The following IFTAP variants were observed in gnomAD, a reference collection of about 807,000 sequenced individuals.
IFTAP encodes intraflagellar transport-associated protein.
IFTAP carries 19 observed loss-of-function variants against 19.4 expected under a neutral mutation model. That is an observed-to-expected ratio of 0.98 (90% CI 0.68 to 1.44). The LOEUF (loss-of-function observed/expected upper bound fraction) is 1.44, where lower values mean the gene tolerates loss of function less well. IFTAP is among the 40% of genes most tolerant of loss of function. The pLI, the probability that IFTAP is intolerant of heterozygous loss-of-function variation, is 0.00. For missense variants in IFTAP, 240 were observed against 253.6 expected, an observed-to-expected ratio of 0.95 and a Z score of 0.36; for synonymous variants, 85 against 83.5, an observed-to-expected ratio of 1.02 and a Z score of -0.10.
At chr11:36,640,159 C>G (rs1853140386) in intron 4 of IFTAP, among the ~76,000 whole-genome samples, 1 of 152,104 alleles carries the variant, frequency 6.6e-6, no homozygotes, top group Non-Finnish European at 1.5e-5. Context: ...GTATAGGAAC[C>G]CCTCAGAAAC....
intron 5 of IFTAP, among the ~76,000 whole-genome samples, chr11:36,652,243 A>G (rs1276403161): frequency 6.6e-6 from 1 of 152,144 alleles, no homozygotes; most frequent in African/African-American, 2.4e-5. Flanking sequence ...AGTGGTTTGT[A>G]GTTCTCCTTG....
At chr11:36,595,504 T>C (rs1402833996) in intron 1 of IFTAP, among the ~76,000 whole-genome samples, 3 of 152,224 alleles carry the variant, frequency 2.0e-5, no homozygotes, top group East Asian at 3.8e-4. Context: ...TAAGAGTTAA[T>C]TCTTAATATG....
In IFTAP at chr11:36,604,339, C is replaced by G. The variant is rs562566648; in HGVS notation, c.-23-5742C>G. The stretch of plus-strand genomic sequence containing the variant: ...ATAATGAAGAGGTCTATGCCTTTTA[C>G]ATGTTAGAAAAGGCTGTTGATAAAA... On this transcript the variant is annotated intron_variant, in intron 1 of 5. Coordinates refer to ENST00000334307, the MANE Select transcript of IFTAP (RefSeq NM_138787.4). Among the ~76,000 whole-genome samples the G allele has an allele frequency of 3.9e-5, 6 of 152,260 alleles. No individual in the cohort carries two copies. In the East Asian group the frequency reaches 1.2e-3, roughly 29 times the overall value.
At chr11:36,656,143 G>A (rs553540774) in intron 5 of IFTAP, among the ~76,000 whole-genome samples, 1 of 152,302 alleles carries the variant, frequency 6.6e-6, no homozygotes. Context: ...GGCCGTGGGA[G>A]CCCTGATCAG....
At chr11:36,618,660 C>T (rs937910612) in intron 2 of IFTAP, among the ~76,000 whole-genome samples, 1 of 151,978 alleles carries the variant, frequency 6.6e-6, no homozygotes, top group African/African-American at 2.4e-5. Context: ...GGAACACCCA[C>T]ATTTAGTGGA....
At chr11:36,600,839 C>T (rs1464227045) in intron 1 of IFTAP, among the ~76,000 whole-genome samples, 1 of 151,974 alleles carries the variant, frequency 6.6e-6, no homozygotes, top group African/African-American at 2.4e-5. Flanking sequence ...GATATCCTGG[C>T]CTAGTAATTG....
At chr11:36,606,899 T>C (rs1851713609) in intron 1 of IFTAP, among the ~76,000 whole-genome samples, 1 of 152,254 alleles carries the variant, frequency 6.6e-6, no homozygotes, top group Non-Finnish European at 1.5e-5. Flanking sequence ...CTTATCATTA[T>C]TTACTGTCTA....
chr11:36,617,465 A>G (rs182131752), intron 2 of IFTAP, among the ~76,000 whole-genome samples: 1 of 151,958 alleles, frequency 6.6e-6, no homozygotes, highest in Admixed American at 6.6e-5. Context: ...TATTAAATGA[A>G]ACTATAGCAA....
chr11:36,617,494 A>G (rs900229877), intron 2 of IFTAP, among the ~76,000 whole-genome samples: 1 of 151,918 alleles, frequency 6.6e-6, no homozygotes, highest in Admixed American at 6.6e-5. Context: ...AAATTTTTAT[A>G]TTCTCAAGGC....
chr11:36,620,206 G>A (rs1432743284), intron 2 of IFTAP, among the ~76,000 whole-genome samples: 2 of 152,016 alleles, frequency 1.3e-5, no homozygotes, highest in African/African-American at 4.8e-5. Context: ...CTATGTGTAT[G>A]TAATCTCTTT....
At chr11:36,595,796 A>G (rs1479023661) in intron 1 of IFTAP, among the ~76,000 whole-genome samples, 3 of 152,282 alleles carry the variant, frequency 2.0e-5, no homozygotes, top group African/African-American at 2.4e-5. Context: ...AATAAGGTCT[A>G]GTGCATACGC....
At chr11:36,602,852 T>A (rs1399612744) in intron 1 of IFTAP, among the ~76,000 whole-genome samples, 1 of 151,472 alleles carries the variant, frequency 6.6e-6, no homozygotes, top group Admixed American at 6.6e-5. Context: ...CAAGCAAAAA[T>A]GGTAGTGAAA....
chr11:36,632,179 T>G (rs114618033), intron 2 of IFTAP, among the ~76,000 whole-genome samples: 1,779 of 151,288 alleles, frequency 0.012, 154 homozygotes, highest in African/African-American at 0.042. Context: ...CAGTGTCTAC[T>G]TTTAGTGGTA....
At position 36,613,425 on chromosome 11, in the gene IFTAP, GTC is replaced by G. The variant is rs1444746137; in HGVS notation, c.136+3188_136+3189del. ...TAATTCATTAATTAATTCTGTGAGT[GTC>G]TTGTTATGGTCCAGATATCATTTTA... On this transcript the variant is annotated intron_variant, in intron 2 of 5. Coordinates refer to ENST00000334307, the MANE Select transcript of IFTAP (RefSeq NM_138787.4). Among the ~76,000 whole-genome samples, 6 of 152,064 alleles carry G rather than the reference GTC, an allele frequency of 3.9e-5. No individual in the cohort carries two copies. In the East Asian group the frequency reaches 5.8e-4, roughly 15 times the overall value.
At chr11:36,640,181 C>T (rs1853141836) in intron 4 of IFTAP, among the ~76,000 whole-genome samples, 1 of 152,118 alleles carries the variant, frequency 6.6e-6, no homozygotes. Flanking sequence ...CTAAGGTTGG[C>T]AGGTCATGTG....
chr11:36,652,003 T>C (rs1440259085), intron 5 of IFTAP, among the ~76,000 whole-genome samples: 1 of 152,206 alleles, frequency 6.6e-6, no homozygotes. Context: ...TCCAGCTTTG[T>C]TCTTTGGCTT....
chr11:36,605,921 G>A (rs916134805), intron 1 of IFTAP, among the ~76,000 whole-genome samples: 12 of 152,124 alleles, frequency 7.9e-5, no homozygotes, highest in African/African-American at 2.9e-4. Context: ...AATACTTCGT[G>A]ATAAAAACAC....
At chr11:36,640,497 T>A (rs1853153646) in intron 4 of IFTAP, among the ~76,000 whole-genome samples, 1 of 152,202 alleles carries the variant, frequency 6.6e-6, no homozygotes, top group African/African-American at 2.4e-5. Flanking sequence ...GGAAAAACAC[T>A]TGGGTGATTG....
chr11:36,626,087 T>C (rs1852498752), intron 2 of IFTAP, among the ~76,000 whole-genome samples: 1 of 151,226 alleles, frequency 6.6e-6, no homozygotes, highest in Non-Finnish European at 1.5e-5. Context: ...CTGGCCTTTG[T>C]TTATTTGTTG....
Sources: allele counts gnomAD v4.1 joint callset (sites outside exome capture counted in the v4.1 genomes callset), GRCh38; gene constraint gnomAD v4.1.1; transcripts MANE v1.5; gene names NCBI Gene and HGNC (gene_info 2026-07-23, HGNC 2026-07-21).